The following HGFAC variants were observed in gnomAD, a reference collection of about 807,000 sequenced individuals.
The protein encoded by HGFAC is hepatocyte growth factor activator serine protease.
HGFAC carries 76 observed loss-of-function variants against 70.6 expected under a neutral mutation model. That is an observed-to-expected ratio of 1.08 (90% CI 0.89 to 1.30). The LOEUF is 1.30. HGFAC is among the 50% of genes most tolerant of loss of function. The pLI, the probability that HGFAC is intolerant of heterozygous loss-of-function variation, is 0.00. For missense variants in HGFAC, 1,044 were observed against 933.7 expected (o/e 1.12, Z -1.54); for synonymous variants, 464 against 405.3 (o/e 1.14, Z -1.74).
At position 3,443,106 on chromosome 4, in the gene HGFAC, C is replaced by G; in HGVS notation, c.355C>G (p.Leu119Val). The change falls in exon 3 of 14, where the codon CTG (leucine) becomes GTG (valine). Residue 119 changes from leucine to valine, a missense_variant. By Grantham distance (32) the Leu-to-Val change is conservative. Coordinates refer to ENST00000382774, the MANE Select transcript of HGFAC (RefSeq NM_001528.4). ...CCCCTTCCGCTACGGGGGCCGCATGCTGCATGCCTGCACTTCGGAGGGCAG... is the reference window on the plus strand; with the variant it reads ...CCCCTTCCGCTACGGGGGCCGCATGGTGCATGCCTGCACTTCGGAGGGCAG... ...RFPFRYGGRM[L>V]HACTSEGSAH... 1.3e-6 allele frequency: 2 copies of G among 1,593,100 alleles called. No homozygotes were observed. The highest frequency in any genetic ancestry group is 1.8e-4 in the Middle Eastern group (1 of 5,434).
At chr4:3,445,156 A>G (rs3752442) in intron 8 of HGFAC, 109 bp from the exon 9 acceptor site, 313,074 of 1,279,894 alleles carry the variant, frequency 0.24, 40,776 homozygotes, top group East Asian at 0.44. Flanking sequence ...CTCTCTTCCC[A>G]CTGCTCCAGG....
chr4:3,447,764 G>A (rs1053577498), intron 11 of HGFAC, 131 bp from the exon 12 acceptor site: 3 of 1,517,078 alleles, frequency 2.0e-6, no homozygotes, highest in Non-Finnish European at 2.7e-6. Flanking sequence ...GGAGGACAGG[G>A]CACCGCTCCC....
intron 6 of HGFAC, 21 bp from the exon 7 acceptor site, chr4:3,444,602 G>C: frequency 6.4e-7 from 1 of 1,572,336 alleles, no homozygotes; most frequent in Non-Finnish European, 8.6e-7. Flanking sequence ...CCCTGGCCCA[G>C]CTCCTCGGCC....
upstream of HGFAC, chr4:3,441,805 C>T: frequency 6.0e-6 from 3 of 503,746 alleles, no homozygotes; most frequent in Non-Finnish European, 1.0e-5. This position sits in a 1 kb window ranked among gnomAD's most constrained non-coding sequence, Gnocchi z 6.0. Flanking sequence ...GCCAGAGAGA[C>T]AGCTGGGCTT....
At chr4:3,444,006 C>T (rs1367576567) in intron 4 of HGFAC, 33 bp from the exon 5 acceptor site, 2 of 1,544,602 alleles carry the variant, frequency 1.3e-6, no homozygotes, top group South Asian at 1.3e-5. Flanking sequence ...GCCTCCCAGT[C>T]CGCCCCTCAC....
rs138538142 is a variant in HGFAC at position 3,448,236 on chromosome 4, T to G, written c.1745T>G (p.Leu582Arg). 2.7e-5 allele frequency: 44 copies of G among 1,608,738 alleles called. No individual in the cohort carries two copies. The highest frequency in any genetic ancestry group is 3.3e-5 in the Admixed American group (2 of 59,792). The change falls in exon 13 of 14, where the codon CTC (leucine) becomes CGC (arginine). Residue 582 changes from leucine to arginine, a missense_variant. Physicochemically the swap from Leu to Arg is moderately radical, Grantham distance 102. Coordinates refer to ENST00000382774, the MANE Select transcript of HGFAC (RefSeq NM_001528.4). ...VYGADISPNM[L>R]CAGYFDCKSD... is the part of the protein sequence containing the mutation. The stretch of plus-strand genomic sequence containing the variant: ...GGCGCCGACATCAGCCCCAACATGC[T>G]CTGTGCCGGCTACTTCGACTGCAAG...
rs544693357 is a variant in HGFAC, at chr4:3,448,353, T to C, written c.1785+77T>C. ...CCTGAGTCTCCGAGATGCTTGCCCC[T>C]GGGGAGCCCAGAGCCTGGCGGCACC... On this transcript the variant is annotated intron_variant, in intron 13 of 13. Coordinates refer to ENST00000382774, the MANE Select transcript of HGFAC (RefSeq NM_001528.4). 3.2e-4 allele frequency: 492 copies of C among 1,521,910 alleles called. 4 individuals carry two copies. In the African/African-American group the frequency reaches 6.0e-3, roughly 19 times the overall value. The allele number at this position is 1,521,910 out of a possible 1,614,324, so 94.3% of individuals were successfully genotyped here. A position where few individuals can be genotyped will look rare whatever the true frequency, so the allele number is the denominator to read the frequency against.
intron 10 of HGFAC, among the ~76,000 whole-genome samples, chr4:3,446,508 G>A (rs775061650): frequency 6.6e-6 from 1 of 152,162 alleles, no homozygotes; most frequent in Non-Finnish European, 1.5e-5. Context: ...TGTCCCTATT[G>A]AGGGAGGCCA....
At position 3,446,876 on chromosome 4, in the gene HGFAC, G is replaced by T. The variant is rs1725529962; in HGVS notation, c.1355+582G>T. On this transcript the variant is annotated intron_variant, in intron 10 of 13. Coordinates refer to ENST00000382774, the MANE Select transcript of HGFAC (RefSeq NM_001528.4). ...GGTCCGGCCAGCCGAGGGTCTGGCG[G>T]CCTTTCGAGGACCACAGCTCCCAGG... 5.3e-5 allele frequency among the ~76,000 whole-genome samples: 8 copies of T among 152,188 alleles called. No homozygotes were observed. The South Asian group carries it at 1.7e-3, about 32-fold the overall frequency.
Position 3,442,013 on chromosome 4 carries a change from G to A in HGFAC, c.12G>A (p.Trp4Ter). 6.6e-7 allele frequency: 1 copy of A among 1,505,706 alleles called. No homozygotes were observed. Among genetic ancestry groups the A allele is most frequent in the Non-Finnish European group, 8.7e-7 (1 of 1,143,300 alleles). 93.3% of individuals were successfully genotyped at this position (1,505,706 alleles called of 1,614,324 possible). MGR[W>*]AWVPSPWPPP... ...CCAGCTCAGGAGCCATGGGGCGCTG[G>A]GCCTGGGTCCCCAGCCCCTGGCCCC... Residue 4 changes from tryptophan to a stop codon, truncating the protein, a stop_gained, in exon 1 of 14, where the codon TGG (tryptophan) becomes TGA (stop). Transcript: ENST00000382774. LOFTEE classifies it high-confidence loss of function.
chr4:3,444,018 C>T (rs4690097), intron 4 of HGFAC, 21 bp from the exon 5 acceptor site: 1,080,079 of 1,557,490 alleles, frequency 0.69, 377,105 homozygotes, highest in East Asian at 0.95. Context: ...GCCCCTCACA[C>T]CCCCTCCCGC....
chr4:3,442,074 C>T lies in HGFAC; in HGVS notation c.73C>T (p.Leu25=). The T allele has an allele frequency of 6.4e-7, 1 of 1,554,660 alleles. No individual in the cohort carries two copies. Among genetic ancestry groups the T allele is most frequent in the Non-Finnish European group, 8.6e-7 (1 of 1,162,368 alleles). Residue 25 remains leucine, a synonymous_variant, in exon 1 of 14, where the codon CTG becomes TTG. Transcript: ENST00000382774. ...GLGPFLLLLL[L]LLLLPRGFQP... ...GGGCCCCTTCCTCCTCCTCCTCCTG[C>T]TGCTGCTGCTGCTGCCACGGGGGTT...
rs759843037 is a variant in HGFAC at position 3,444,938 on chromosome 4, G to A, written c.961G>A (p.Val321Met). ...NSDLLYQELH[V>M]DSVGAAALLG... The stretch of plus-strand genomic sequence containing the variant: ...CGATCTGCTCTACCAGGAGCTGCAC[G>A]TGGACTCCGTGGGCGCCGCGGCCCT... Residue 321 changes from valine (V) to methionine (M), a missense_variant, in exon 8 of 14, where the codon GTG becomes ATG. Transcript: ENST00000382774. 130 of 1,608,750 alleles carry A rather than the reference G, an allele frequency of 8.1e-5. No individual in the cohort carries two copies. Among genetic ancestry groups the A allele is most frequent in the Non-Finnish European group, 9.3e-5 (110 of 1,178,540 alleles).
chr4:3,448,738 C>T (rs972929659), intron 13 of HGFAC, among the ~76,000 whole-genome samples: 4 of 152,238 alleles, frequency 2.6e-5, no homozygotes, highest in Non-Finnish European at 5.9e-5. Context: ...TGGCATGCGA[C>T]GGCTCTCTTA....
chr4:3,446,443 T>TCCGCAGGCG (rs1348365346), intron 10 of HGFAC, 149 bp downstream of exon 10: 6 of 989,774 alleles, frequency 6.1e-6, no homozygotes, highest in African/African-American at 1.6e-5. Flanking sequence ...CTCTGACCCC[T>TCCGCAGGCG]CTGGGTCTTG....
At chr4:3,446,441 C>T in intron 10 of HGFAC, 147 bp downstream of exon 10, 1 of 1,008,020 alleles carries the variant, frequency 9.9e-7, no homozygotes, top group Admixed American at 2.6e-5. Context: ...CTCTCTGACC[C>T]CTCTGGGTCT....
In HGFAC at chr4:3,442,106, C is replaced by T. The variant is rs771842330; in HGVS notation, c.105C>T (p.Pro35=). ...LLLLLPRGFQ[P]QPGGNRTESP... is the part of the protein sequence containing the mutation. The stretch of plus-strand genomic sequence containing the variant: ...TGCTGCTGCCACGGGGGTTCCAGCC[C>T]CAGCCTGGCGGGGTGAGCACTGACC... Residue 35 remains proline, a synonymous_variant, in exon 1 of 14, where the codon CCC becomes CCT. Coordinates refer to ENST00000382774, the MANE Select transcript of HGFAC (RefSeq NM_001528.4). 11 of 1,560,672 alleles carry T rather than the reference C, an allele frequency of 7.0e-6. No individual in the cohort carries two copies. The highest frequency in any genetic ancestry group is 9.4e-6 in the Non-Finnish European group (11 of 1,164,686).
Position 3,444,988 on chromosome 4 carries a change from C to A in HGFAC, c.1011C>A (p.Tyr337Ter). ...TGCTGGGCCTGGGCCCCCATGCCTA[C>A]TGCCGGTCAGCACCACGCCGCTCCA... is the stretch of plus-strand genomic sequence containing the variant. ...AALLGLGPHA[Y>*]CRNPDNDERP... is the part of the protein sequence containing the mutation. The change falls in exon 8 of 14, where the codon TAC becomes TAA. Residue 337 changes from tyrosine (Y) to a stop codon, truncating the protein, a stop_gained. Transcript: ENST00000382774. LOFTEE classifies it high-confidence loss of function. The A allele has an allele frequency of 6.3e-7, 1 of 1,588,288 alleles. No individual in the cohort carries two copies. Among genetic ancestry groups the A allele is most frequent in the Non-Finnish European group, 8.5e-7 (1 of 1,169,824 alleles).
Position 3,448,207 on chromosome 4 carries a change from C to T in HGFAC, c.1716C>T (p.Val572=), listed in dbSNP as rs778761697. ...ACCACAAGTGCAGCAGCCCTGAGGTCTACGGCGCCGACATCAGCCCCAACA... is the reference window on the plus strand; with the variant it reads ...ACCACAAGTGCAGCAGCCCTGAGGTTTACGGCGCCGACATCAGCCCCAACA... ...VADHKCSSPE[V]YGADISPNML... is the part of the protein sequence containing the mutation. Residue 572 remains valine (V), a synonymous_variant, in exon 13 of 14, where the codon GTC becomes GTT. Coordinates refer to ENST00000382774, the MANE Select transcript of HGFAC (RefSeq NM_001528.4). The T allele has an allele frequency of 9.3e-6, 15 of 1,607,090 alleles. 1 individual carries two copies. The East Asian group carries it at 2.5e-4, about 26-fold the overall frequency.
Sources: allele counts gnomAD v4.1 joint callset (sites outside exome capture counted in the v4.1 genomes callset), GRCh38; gene constraint gnomAD v4.1.1; non-coding constraint Gnocchi (gnomAD v3.1); transcripts MANE v1.5; gene names NCBI Gene and HGNC (gene_info 2026-07-23, HGNC 2026-07-21).